The following ADORA2B variants were observed in gnomAD, a reference collection of about 807,000 sequenced individuals.
ADORA2B encodes the protein adenosine A2b receptor, also known as adenosine receptor A2b.
ADORA2B carries 18 observed loss-of-function variants against 20.8 expected under a neutral mutation model. The ratio of observed to expected loss-of-function variants is 0.87; its 90% CI spans 0.60 to 1.29. The LOEUF is 1.29. Among genes scored for constraint, ADORA2B ranks in the 50% most tolerant of loss-of-function variants. The pLI, the probability that ADORA2B is intolerant of heterozygous loss-of-function variation, is 0.00. For synonymous variants in ADORA2B, 179 were observed against 178.3 expected (o/e 1.00, Z -0.03); for missense variants, 441 against 422.7 (o/e 1.04, Z -0.38).
chr17:15,873,032 G>A, the ADORA2B span, among the ~76,000 whole-genome samples: 1 of 152,140 alleles, frequency 6.6e-6, no homozygotes, highest in Non-Finnish European at 1.5e-5. Context: ...TACGCTGGTT[G>A]TGGGTTTGTC....
the ADORA2B span, among the ~76,000 whole-genome samples, chr17:15,853,377 G>A: frequency 1.3e-5 from 2 of 152,218 alleles, no homozygotes; most frequent in Non-Finnish European, 2.9e-5. Flanking sequence ...AGTTCTGCAT[G>A]AAGTTTGTTC....
At chr17:15,880,795 G>A in the ADORA2B span, among the ~76,000 whole-genome samples, 1 of 152,110 alleles carries the variant, frequency 6.6e-6, no homozygotes, top group African/African-American at 2.4e-5. Context: ...GCAGCGCCAG[G>A]GTTCCCCTGG....
At chr17:15,919,999 A>G in the ADORA2B span, among the ~76,000 whole-genome samples, 4 of 152,290 alleles carry the variant, frequency 2.6e-5, no homozygotes, top group Admixed American at 6.5e-5. Context: ...CCTTTTCCCT[A>G]GACCAAAGTA....
chr17:15,912,130 G>A, the ADORA2B span, among the ~76,000 whole-genome samples: 1 of 150,702 alleles, frequency 6.6e-6, no homozygotes, highest in South Asian at 2.1e-4. Context: ...AGGGAGAATC[G>A]CTTGAACCTG....
At chr17:15,896,299 C>CA in the ADORA2B span, among the ~76,000 whole-genome samples, 10 of 151,718 alleles carry the variant, frequency 6.6e-5, no homozygotes, top group African/African-American at 1.9e-4. Context: ...TAAGAGACTA[C>CA]AAAAAAACTG....
At chr17:15,854,904 A>G in the ADORA2B span, among the ~76,000 whole-genome samples, 1 of 150,552 alleles carries the variant, frequency 6.6e-6, no homozygotes, top group Non-Finnish European at 1.5e-5. Context: ...CCATGTTTTG[A>G]TTGTTCTAAC....
the ADORA2B span, among the ~76,000 whole-genome samples, chr17:15,918,987 C>G: frequency 6.6e-6 from 1 of 152,186 alleles, no homozygotes; most frequent in Non-Finnish European, 1.5e-5. Context: ...CCTGAGCCCC[C>G]ACCACCAACA....
chr17:15,926,817 A>G, the ADORA2B span, among the ~76,000 whole-genome samples: 4 of 152,128 alleles, frequency 2.6e-5, no homozygotes, highest in Non-Finnish European at 4.4e-5. Context: ...AAAAAATTTT[A>G]AAAATCAGCT....
At chr17:15,937,516 A>G in the ADORA2B span, among the ~76,000 whole-genome samples, 1 of 151,834 alleles carries the variant, frequency 6.6e-6, no homozygotes, top group African/African-American at 2.4e-5. Context: ...TCCTGGGCCT[A>G]TGCACATGCA....
the ADORA2B span, among the ~76,000 whole-genome samples, chr17:15,869,741 T>C: frequency 6.6e-6 from 1 of 152,210 alleles, no homozygotes; most frequent in Non-Finnish European, 1.5e-5. Flanking sequence ...TAGTTATTCC[T>C]AAACTGTTAC....
chr17:15,967,319 G>T (rs1372004076), intron 1 of ADORA2B, among the ~76,000 whole-genome samples: 2 of 149,286 alleles, frequency 1.3e-5, no homozygotes, highest in East Asian at 4.0e-4. Flanking sequence ...TGCAACCCCC[G>T]CCTCCTGGGT....
the ADORA2B span, among the ~76,000 whole-genome samples, chr17:15,927,847 A>G: frequency 1.3e-5 from 2 of 152,202 alleles, no homozygotes; most frequent in African/African-American, 4.8e-5. Flanking sequence ...GTCAGGCGCA[A>G]GGTGGCTTTC....
the ADORA2B span, among the ~76,000 whole-genome samples, chr17:15,902,269 T>C: frequency 6.6e-6 from 1 of 152,034 alleles, no homozygotes; most frequent in African/African-American, 2.4e-5. Context: ...TGGAGTGCAG[T>C]GGCACGATCT....
chr17:15,851,553 C>T, the ADORA2B span, among the ~76,000 whole-genome samples: 3 of 152,242 alleles, frequency 2.0e-5, no homozygotes, highest in Admixed American at 1.3e-4. Context: ...AATGCCTTCC[C>T]AGCCATGCTT....
At chr17:15,966,074 T>C (rs1256829476) in intron 1 of ADORA2B, among the ~76,000 whole-genome samples, 1 of 152,238 alleles carries the variant, frequency 6.6e-6, no homozygotes, top group African/African-American at 2.4e-5. Context: ...GTCCTGTTAA[T>C]ATGTGGAATA....
the ADORA2B span, among the ~76,000 whole-genome samples, chr17:15,856,621 A>G: frequency 6.6e-6 from 1 of 152,250 alleles, no homozygotes; most frequent in Admixed American, 6.5e-5. Context: ...CAAAATGCTG[A>G]TATGATGTGG....
At chr17:15,890,996 G>T in the ADORA2B span, among the ~76,000 whole-genome samples, 1 of 152,240 alleles carries the variant, frequency 6.6e-6, no homozygotes, top group Admixed American at 6.5e-5. Context: ...GCTGGATGCA[G>T]TGGCTCACGC....
chr17:15,895,445 T>C, the ADORA2B span, among the ~76,000 whole-genome samples: 39 of 152,262 alleles, frequency 2.6e-4, no homozygotes, highest in African/African-American at 9.4e-4. Flanking sequence ...CTGTGAAATA[T>C]GCAGGTGATG....
upstream of ADORA2B, among the ~76,000 whole-genome samples, chr17:15,943,627 C>T (rs574446206): frequency 2.0e-5 from 3 of 152,208 alleles, no homozygotes; most frequent in African/African-American, 2.4e-5. Flanking sequence ...GCCATGTTGT[C>T]GTCATTACAG....
Sources: gnomAD v4.1 joint callset for allele counts (sites outside exome capture counted in the v4.1 genomes callset) on GRCh38, gnomAD v4.1.1 for gene constraint, MANE v1.5 for transcripts, NCBI Gene and HGNC (gene_info 2026-07-23, HGNC 2026-07-21) for gene names.